The following PRKAG2 variants were observed in gnomAD, a reference collection of about 807,000 sequenced individuals.
PRKAG2 encodes 5'-AMP-activated protein kinase subunit gamma-2.
PRKAG2 carries 26 observed loss-of-function variants against 69.6 expected under a neutral mutation model. The observed-to-expected ratio is 0.37, with a 90% CI of 0.27 to 0.52. The LOEUF (loss-of-function observed/expected upper bound fraction) is 0.52, where lower values mean the gene tolerates loss of function less well. Ranked by LOEUF, PRKAG2 falls within the 20% of genes least tolerant of loss-of-function variation. The pLI is 0.90. For synonymous variants in PRKAG2, 293 were observed against 285.0 expected (o/e 1.03, Z -0.28); for missense variants, 557 against 740.0 (o/e 0.75, Z 2.87).
chr7:151,811,291 C>G (rs752946512), intron 1 of PRKAG2, among the ~76,000 whole-genome samples: 1 of 152,202 alleles, frequency 6.6e-6, no homozygotes, highest in South Asian at 2.1e-4. Flanking sequence ...GCAGCTGCCC[C>G]TTACTCCTGC....
intron 1 of PRKAG2, among the ~76,000 whole-genome samples, chr7:151,811,098 A>G (rs1394041021): frequency 6.6e-6 from 1 of 152,230 alleles, no homozygotes; most frequent in Non-Finnish European, 1.5e-5. Context: ...CAGAACCCAC[A>G]GCCCTCTCGC....
chr7:151,790,421 T>C (rs1325709886), intron 1 of PRKAG2: 1 of 152,230 alleles, frequency 6.6e-6, no homozygotes, highest in Admixed American at 6.5e-5. Flanking sequence ...AGACTGATAA[T>C]CCCGTATTAT....
chr7:151,719,396 A>G lies in PRKAG2; in HGVS notation c.467-43759T>C, dbSNP rs962442410. Among the ~76,000 whole-genome samples the G allele has an allele frequency of 6.6e-6, 1 of 151,874 alleles. No homozygotes were observed. The highest frequency in any genetic ancestry group is 1.5e-5 in the Non-Finnish European group (1 of 67,950). On this transcript the variant is annotated intron_variant, in intron 3 of 15. Coordinates refer to ENST00000287878, the MANE Select transcript of PRKAG2 (RefSeq NM_016203.4). This position sits in a 1 kb window ranked among gnomAD's most constrained non-coding sequence, Gnocchi z 5.2. The stretch of plus-strand genomic sequence containing the variant: ...GGCTATAACTTCCGCTTCCCCCTTC[A>G]CACAGAGACCATGCTCCCAACCCAC...
chr7:151,824,586 T>A (rs1025163591), intron 1 of PRKAG2, among the ~76,000 whole-genome samples: 1 of 152,046 alleles, frequency 6.6e-6, no homozygotes, highest in Non-Finnish European at 1.5e-5. Flanking sequence ...TTCCCAGAAG[T>A]GATGGGTGCC....
At position 151,850,470 on chromosome 7, in the gene PRKAG2, G is replaced by T. The variant is rs1050952977; in HGVS notation, c.114+26037C>A. Among the ~76,000 whole-genome samples the T allele has an allele frequency of 6.6e-6, 1 of 152,222 alleles. No individual in the cohort carries two copies. The highest frequency in any genetic ancestry group is 6.5e-5 in the Admixed American group (1 of 15,286). ...TCTGCCTCGAAGCACACGTCATCTGGTGGGCAGCCCTGCCATTGTGGAGGT... is the reference window on the plus strand; with the variant it reads ...TCTGCCTCGAAGCACACGTCATCTGTTGGGCAGCCCTGCCATTGTGGAGGT... On this transcript the variant is annotated intron_variant, in intron 1 of 15. Coordinates refer to ENST00000287878, the MANE Select transcript of PRKAG2 (RefSeq NM_016203.4). The surrounding 1 kb of genome is among the most constrained non-coding windows in gnomAD (Gnocchi z 4.1).
At chr7:151,784,348 C>T (rs1415332497) in intron 2 of PRKAG2, among the ~76,000 whole-genome samples, 3 of 152,186 alleles carry the variant, frequency 2.0e-5, no homozygotes, top group Non-Finnish European at 4.4e-5. Flanking sequence ...TGCAAATGTC[C>T]AGTCCTACAG....
intron 1 of PRKAG2, among the ~76,000 whole-genome samples, chr7:151,858,363 G>A (rs2079836750): frequency 6.6e-6 from 1 of 152,240 alleles, no homozygotes; most frequent in Admixed American, 6.5e-5. Flanking sequence ...GAAGGTGACT[G>A]AAGCTACTGG....
chr7:151,617,582 AG>A (rs1282961324), intron 5 of PRKAG2, among the ~76,000 whole-genome samples: 1 of 152,230 alleles, frequency 6.6e-6, no homozygotes, highest in Non-Finnish European at 1.5e-5. Flanking sequence ...ACATAATATT[AG>A]AATACTTTTA....
At chr7:151,557,320 G>A in intron 15 of PRKAG2, 88 bp from the exon 16 acceptor site, 3 of 1,612,574 alleles carry the variant, frequency 1.9e-6, no homozygotes, top group East Asian at 2.2e-5. Context: ...GTCTGGCAGT[G>A]CCTTAGGAGG....
intron 1 of PRKAG2, among the ~76,000 whole-genome samples, chr7:151,833,206 G>A (rs2079076931): frequency 6.6e-6 from 1 of 152,210 alleles, no homozygotes; most frequent in African/African-American, 2.4e-5. Context: ...GGTCACGGAA[G>A]GCCTCGTGGA....
At position 151,572,877 on chromosome 7, in the gene PRKAG2, T is replaced by C. The variant is rs112864625; in HGVS notation, c.1006-168A>G. ...CCTGTAATCTCAGCACTTTGGGAGA[T>C]CAAGGTGGGCAGATCACCTGAGGTC... On this transcript the variant is annotated intron_variant, in intron 8 of 15. Transcript: ENST00000287878. Among the ~76,000 whole-genome samples the C allele has an allele frequency of 0.15, 22,172 of 152,050 alleles. 1,733 individuals carry two copies. The highest frequency in any genetic ancestry group is 0.18 in the African/African-American group (7,487 of 41,474).
At chr7:151,762,904 A>G (rs1384343067) in intron 3 of PRKAG2, among the ~76,000 whole-genome samples, 1 of 152,216 alleles carries the variant, frequency 6.6e-6, no homozygotes, top group African/African-American at 2.4e-5. Flanking sequence ...TGTGAGGACA[A>G]GCAGCCTCAT....
In PRKAG2 at chr7:151,571,148, T is replaced by C. The variant is rs111999459; in HGVS notation, c.1052-923A>G. Among the ~76,000 whole-genome samples the C allele has an allele frequency of 9.1e-3, 1,374 of 151,414 alleles. 30 individuals are homozygous for C. Among genetic ancestry groups the C allele is most frequent in the African/African-American group, 0.031 (1,294 of 41,106 alleles). ...GTACAGCAGCATCATCTTGGCTCAC[T>C]GCAACCTCTGCCTCCCAGGCCCAGG... On this transcript the variant is annotated intron_variant, in intron 9 of 15. Coordinates refer to ENST00000287878, the MANE Select transcript of PRKAG2 (RefSeq NM_016203.4).
chr7:151,709,579 TTGAG>T (rs1266113191), intron 3 of PRKAG2, among the ~76,000 whole-genome samples: 4 of 152,236 alleles, frequency 2.6e-5, no homozygotes, highest in East Asian at 3.9e-4. Context: ...TTCTGTAACA[TTGAG>T]TGTGACAGTG....
At chr7:151,728,751 C>T (rs917815410) in intron 3 of PRKAG2, among the ~76,000 whole-genome samples, 11 of 152,132 alleles carry the variant, frequency 7.2e-5, no homozygotes, top group Non-Finnish European at 1.3e-4. Context: ...GCCACTGTCA[C>T]GACAGCTCAC....
intron 3 of PRKAG2, among the ~76,000 whole-genome samples, chr7:151,685,685 C>T (rs1287771824): frequency 6.6e-6 from 1 of 151,658 alleles, no homozygotes; most frequent in East Asian, 1.9e-4. Flanking sequence ...GGGAGGATTG[C>T]TTAAGCCTGA....
At chr7:151,628,121 T>C (rs1325263989) in intron 5 of PRKAG2, among the ~76,000 whole-genome samples, 2 of 152,206 alleles carry the variant, frequency 1.3e-5, no homozygotes, top group Admixed American at 6.5e-5. Context: ...CAGCAAGTTA[T>C]CAAAAACTTG....
chr7:151,617,185 C>T (rs1474442212), intron 5 of PRKAG2, among the ~76,000 whole-genome samples: 1 of 150,498 alleles, frequency 6.6e-6, no homozygotes, highest in Non-Finnish European at 1.5e-5. Context: ...TCACTTGAAC[C>T]TGGAGGCGGA....
chr7:151,711,096 A>G (rs559064714), intron 3 of PRKAG2, among the ~76,000 whole-genome samples: 1 of 151,982 alleles, frequency 6.6e-6, no homozygotes, highest in African/African-American at 2.4e-5. Flanking sequence ...GGCCTAGAGT[A>G]TCAACAGTAC....
Sources: gnomAD v4.1 joint callset for allele counts (sites outside exome capture counted in the v4.1 genomes callset) on GRCh38, gnomAD v4.1.1 for gene constraint, Gnocchi (gnomAD v3.1) non-coding constraint, MANE v1.5 for transcripts, NCBI Gene and HGNC (gene_info 2026-07-23, HGNC 2026-07-21) for gene names.